GOSR2: variants seen among roughly 807,000 people sequenced by gnomAD.
GOSR2 encodes the protein golgi SNAP receptor complex member 2.
Under a neutral mutation model 27.9 loss-of-function variants are expected in GOSR2, and 20 were observed. The observed-to-expected ratio is 0.72, with a 90% CI of 0.50 to 1.04. The LOEUF (loss-of-function observed/expected upper bound fraction) is 1.04, where lower values mean the gene tolerates loss of function less well. Among genes scored for constraint, GOSR2 ranks in the 50% least tolerant of loss-of-function variants. The pLI, the probability that GOSR2 is intolerant of heterozygous loss-of-function variation, is 0.00. For missense variants in GOSR2, 261 were observed against 270.5 expected (o/e 0.97, Z 0.25); for synonymous variants, 91 against 98.8 (o/e 0.92, Z 0.47).
At chr17:46,959,322 T>G (rs2147286476) in intron 6 of GOSR2, among the ~76,000 whole-genome samples, 1 of 152,324 alleles carries the variant, frequency 6.6e-6, no homozygotes, top group Admixed American at 6.5e-5. Context: ...CTTTTTGGAG[T>G]AACATAAATC....
In GOSR2 at chr17:46,939,231, T is replaced by C. The variant is rs139652892; in HGVS notation, c.*471T>C. 485 of 1,049,602 alleles carry C rather than the reference T, an allele frequency of 4.6e-4. 1 individual carries two copies. In the African/African-American group the frequency reaches 7.5e-3, roughly 16 times the overall value. The allele number at this position is 1,049,602 out of a possible 1,614,324, so 65.0% of individuals were successfully genotyped here. ...CACAGCCATTATATTAAATAGTAGG[T>C]CGATTCACATCCTCGTGCTCCTGGC... is the stretch of plus-strand genomic sequence containing the variant. On this transcript the variant is annotated 3_prime_UTR_variant, in exon 6 of 6. Coordinates refer to ENST00000640051, the MANE Select transcript of GOSR2 (RefSeq NM_004287.5).
chr17:46,923,348 G>A, intron 1 of GOSR2, 127 bp downstream of exon 1: 1 of 1,519,704 alleles, frequency 6.6e-7, no homozygotes, highest in Non-Finnish European at 8.8e-7. Flanking sequence ...GCACTGCTGG[G>A]GATGCCTCCG....
At chr17:46,964,083 G>A (rs1412278487) in intron 6 of GOSR2, 1 of 152,228 alleles carries the variant, frequency 6.6e-6, no homozygotes. Flanking sequence ...AAAGTGCCGG[G>A]ATGACAAGTG....
chr17:46,933,666 T>C (rs1387697042), intron 4 of GOSR2: 1 of 149,664 alleles, frequency 6.7e-6, no homozygotes, highest in Non-Finnish European at 1.5e-5. Context: ...AACTGGAATT[T>C]AGGTGGTAAA....
At chr17:46,973,910 G>A (rs2091419392) in intron 6 of GOSR2, among the ~76,000 whole-genome samples, 2 of 152,250 alleles carry the variant, frequency 1.3e-5, no homozygotes, top group African/African-American at 2.4e-5. Flanking sequence ...TCCATTCTTT[G>A]CCTCTGAAGC....
chr17:46,935,175 G>A lies in GOSR2; in HGVS notation c.477+6G>A, dbSNP rs1568177911. 1 of 1,613,954 alleles carries A rather than the reference G, an allele frequency of 6.2e-7. No homozygotes were observed. Among genetic ancestry groups the A allele is most frequent in the Non-Finnish European group, 8.5e-7 (1 of 1,179,782 alleles). ...CCCAGAGACTGACCTTGAAGGTGGG[G>A]TCCCTGCTGGGGGACAGAGAGAAGG... On this transcript the variant is annotated splice_donor_region_variant and intron_variant, in intron 5 of 5. Transcript: ENST00000640051.
intron 6 of GOSR2, among the ~76,000 whole-genome samples, chr17:46,958,075 C>T (rs879769762): frequency 6.6e-6 from 1 of 152,156 alleles, no homozygotes; most frequent in Non-Finnish European, 1.5e-5. Context: ...TCACCTCACC[C>T]GTAACCCATG....
Position 46,935,094 on chromosome 17 carries a change from C to T in GOSR2, c.402C>T (p.His134=), listed in dbSNP as rs1371489323. Residue 134 remains histidine, a synonymous_variant, in exon 5 of 6, where the codon CAC becomes CAT. Transcript: ENST00000640051. Reference sequence around the variant, plus strand: ...TTAACTCCTCCCTCCAGAAAGTTCACAACGGCATGGATGACCTCATTTTAG... The same window carrying T: ...TTAACTCCTCCCTCCAGAAAGTTCATAACGGCATGGATGACCTCATTTTAG... The part of the protein sequence containing the change: ...LQFNSSLQKV[H]NGMDDLILDG... 1 of 1,612,940 alleles carries T rather than the reference C, an allele frequency of 6.2e-7. No homozygotes were observed. The highest frequency in any genetic ancestry group is 8.5e-7 in the Non-Finnish European group (1 of 1,178,880).
chr17:46,944,253 G>A (rs1440043388), downstream of GOSR2, among the ~76,000 whole-genome samples: 5 of 152,352 alleles, frequency 3.3e-5, no homozygotes, highest in South Asian at 4.1e-4. Context: ...GCAGCCCTCC[G>A]CAGTTTGCAC....
chr17:46,972,978 T>G (rs534505254), intron 6 of GOSR2: 1 of 153,610 alleles, frequency 6.5e-6, no homozygotes, highest in South Asian at 2.0e-4. Context: ...TCTTGTAGTA[T>G]TCCCTCTAAC....
chr17:46,932,008 C>G lies in GOSR2; in HGVS notation c.204-59C>G, dbSNP rs1357962220. ...TCTTTCCTCAGTACAAAGCCTGGCC[C>G]CCTCAGATTCTGCTGCCCTGAGTTC... On this transcript the variant is annotated intron_variant, in intron 3 of 5. Transcript: ENST00000640051. 3 of 1,517,922 alleles carry G rather than the reference C, an allele frequency of 2.0e-6. No homozygotes were observed. The African/African-American group carries it at 4.1e-5, about 21-fold the overall frequency. The allele number at this position is 1,517,922 out of a possible 1,614,324, so 94.0% of individuals were successfully genotyped here. A position where few individuals can be genotyped will look rare whatever the true frequency, so the allele number is the denominator to read the frequency against.
intron 6 of GOSR2, among the ~76,000 whole-genome samples, chr17:46,960,476 A>G (rs1450752342): frequency 6.6e-6 from 1 of 152,358 alleles, no homozygotes; most frequent in Admixed American, 6.5e-5. Context: ...TGTGCTTCCT[A>G]TATGACCCAG....
rs199915168 is a variant in GOSR2 at position 46,931,051 on chromosome 17, G to T, written c.95-48G>T. ...TCTGTGATTTATCATTGTAATTTAAGTTCACTATCTCTTTTCCAGCAATTA... is the reference window on the plus strand; with the variant it reads ...TCTGTGATTTATCATTGTAATTTAATTTCACTATCTCTTTTCCAGCAATTA... On this transcript the variant is annotated intron_variant, in intron 2 of 5. Coordinates refer to ENST00000640051, the MANE Select transcript of GOSR2 (RefSeq NM_004287.5). 3.1e-5 allele frequency: 30 copies of T among 981,788 alleles called. No individual in the cohort carries two copies. The East Asian group carries it at 6.9e-4, about 23-fold the overall frequency. 60.8% of individuals were successfully genotyped at this position (981,788 alleles called of 1,614,324 possible).
intron 6 of GOSR2, among the ~76,000 whole-genome samples, chr17:46,960,383 A>C (rs2090983520): frequency 6.6e-6 from 1 of 152,236 alleles, no homozygotes; most frequent in Non-Finnish European, 1.5e-5. Context: ...GAGCACCTAG[A>C]ATGCTCACAC....
At chr17:46,959,203 C>T (rs118029839) in intron 6 of GOSR2, among the ~76,000 whole-genome samples, 271 of 152,296 alleles carry the variant, frequency 1.8e-3, no homozygotes, top group Middle Eastern at 0.014. Flanking sequence ...GTCCTACCAC[C>T]AGACAGATGG....
At chr17:46,948,486 T>A (rs1386354249) in intron 6 of GOSR2, 1 of 152,266 alleles carries the variant, frequency 6.6e-6, no homozygotes. Flanking sequence ...TGTATTCCTG[T>A]GTTCTTCATC....
In GOSR2 at chr17:46,941,502, TTTTA is replaced by T. The variant is rs1806527743; in HGVS notation, c.*2743_*2746del. On this transcript the variant is annotated 3_prime_UTR_variant, in exon 6 of 6. Transcript: ENST00000640051. ...CTGCTTCAGAAGCAGTGGGGAAGCT[TTTTA>T]AAATTACATATTCCTGGGGCCTACC... The T allele has an allele frequency of 2.5e-6, 2 of 790,814 alleles. No homozygotes were observed. The highest frequency in any genetic ancestry group is 1.1e-4 in the South Asian group (2 of 17,446). The allele number at this position is 790,814 out of a possible 1,614,324, so 49.0% of individuals were successfully genotyped here.
At chr17:46,975,203 G>C (rs755472737) in exon 7 of GOSR2, 1 of 152,126 alleles carries the variant, frequency 6.6e-6, no homozygotes, top group Non-Finnish European at 1.5e-5. Flanking sequence ...TTGTAGGTGA[G>C]GAAACCGAGG....
In GOSR2 at chr17:46,940,624, C is replaced by T. The variant is rs1394005184; in HGVS notation, c.*1864C>T. 3.1e-6 allele frequency: 5 copies of T among 1,614,128 alleles called. No homozygotes were observed. Among genetic ancestry groups the T allele is most frequent in the Non-Finnish European group, 3.4e-6 (4 of 1,180,018 alleles). ...GCAGGGAGCAGCTGAGCCATTTGTT[C>T]TTGAACTCTGGGAGGCAGAAGTCCC... is the stretch of plus-strand genomic sequence containing the variant. On this transcript the variant is annotated 3_prime_UTR_variant, in exon 6 of 6. Transcript: ENST00000640051.
Sources: allele counts gnomAD v4.1 joint callset (sites outside exome capture counted in the v4.1 genomes callset), GRCh38; gene constraint gnomAD v4.1.1; transcripts MANE v1.5; gene names NCBI Gene and HGNC (gene_info 2026-07-23, HGNC 2026-07-21).